Variants in ANKRD7 observed in about 807,000 individuals in gnomAD.
ANKRD7 encodes the protein ankyrin repeat domain 7, also known as ankyrin repeat domain-containing protein 7.
A neutral mutation model predicts 30.8 loss-of-function variants in ANKRD7; 30 were observed. The observed-to-expected ratio is 0.97, with a 90% CI of 0.73 to 1.32. ANKRD7 has a LOEUF of 1.32. ANKRD7 is among the 40% of genes most tolerant of loss of function. The probability of loss-of-function intolerance (pLI) is 0.00; values close to 1 mark genes in which losing one functional copy is unlikely to be tolerated. For missense variants in ANKRD7, 264 were observed against 295.7 expected, an observed-to-expected ratio of 0.89 and a Z score of 0.79; for synonymous variants, 97 against 106.6, an observed-to-expected ratio of 0.91 and a Z score of 0.55.
chr7:118,230,989 GA>G (rs1809628280), intron 1 of ANKRD7, among the ~76,000 whole-genome samples: 1 of 151,642 alleles, frequency 6.6e-6, no homozygotes, highest in African/African-American at 2.4e-5. Flanking sequence ...TGGTAAAAAA[GA>G]AAAAAAGGGA....
chr7:118,228,777 G>A (rs1020974200), intron 1 of ANKRD7, among the ~76,000 whole-genome samples: 1 of 152,072 alleles, frequency 6.6e-6, no homozygotes, highest in Admixed American at 6.6e-5. Context: ...TAACATCCAA[G>A]CATTTCTTGC....
rs752089558 is a variant in ANKRD7 at position 118,236,162 on chromosome 7, T to C, written c.575+15T>C. The C allele has an allele frequency of 1.4e-6, 2 of 1,463,490 alleles. No individual in the cohort carries two copies. Among genetic ancestry groups the C allele is most frequent in the South Asian group, 1.2e-5 (1 of 85,432 alleles). 90.7% of individuals were successfully genotyped at this position (1,463,490 alleles called of 1,614,324 possible). On this transcript the variant is annotated intron_variant, in intron 4 of 6. Transcript: ENST00000265224. ...AATTATCAAAGGTATAATTAATAAA[T>C]AAGATAGCACATAACTAAAGCTACC...
rs141582591 is a variant in ANKRD7 at position 118,240,108 on chromosome 7, T to G, written c.*37+110T>G. ...AACATTTAATTTTAAAATGGAAATT[T>G]TGTATTATTTTGAAATGTCAAATAT... On this transcript the variant is annotated intron_variant, in intron 6 of 6. Coordinates refer to ENST00000265224, the MANE Select transcript of ANKRD7 (RefSeq NM_019644.4). 917 of 388,254 alleles carry G rather than the reference T, an allele frequency of 2.4e-3. 7 individuals are homozygous for G. The highest frequency in any genetic ancestry group is 0.017 in the African/African-American group (803 of 47,730). 24.1% of individuals were successfully genotyped at this position (388,254 alleles called of 1,614,324 possible).
intron 6 of ANKRD7, among the ~76,000 whole-genome samples, chr7:118,240,522 A>G (rs1322677127): frequency 1.3e-5 from 2 of 152,194 alleles, no homozygotes; most frequent in Non-Finnish European, 2.9e-5. Flanking sequence ...ATAGTATTCC[A>G]TGGTGAATAT....
chr7:118,236,228 G>GTGTGTGTA, intron 4 of ANKRD7, 81 bp downstream of exon 4: 1 of 769,840 alleles, frequency 1.3e-6, no homozygotes, highest in Non-Finnish European at 2.1e-6. Context: ...GTGTGTGTGT[G>GTGTGTGTA]TGTGTGTGTG....
chr7:118,225,081 T>A, intron 1 of ANKRD7, 72 bp downstream of exon 1: 1 of 1,540,804 alleles, frequency 6.5e-7, no homozygotes, highest in Non-Finnish European at 8.8e-7. Flanking sequence ...ATAAGACAAG[T>A]GGGGGCTGTT....
At chr7:118,235,455 A>G (rs1371039139) in intron 3 of ANKRD7, among the ~76,000 whole-genome samples, 1 of 152,008 alleles carries the variant, frequency 6.6e-6, no homozygotes, top group Non-Finnish European at 1.5e-5. Flanking sequence ...TACTAAAAAT[A>G]CAAAAAATTA....
chr7:118,234,410 T>C, intron 1 of ANKRD7, 21 bp from the exon 2 acceptor site: 1 of 1,491,496 alleles, frequency 6.7e-7, no homozygotes, highest in Non-Finnish European at 9.1e-7. Context: ...TCTAACTTTG[T>C]GTTTTGTTTT....
intron 1 of ANKRD7, among the ~76,000 whole-genome samples, chr7:118,229,488 T>G (rs1199928327): frequency 6.6e-6 from 1 of 152,124 alleles, no homozygotes; most frequent in Non-Finnish European, 1.5e-5. Context: ...CTAGCCATAG[T>G]GAGCGCTTAA....
intron 5 of ANKRD7, among the ~76,000 whole-genome samples, chr7:118,237,668 A>C (rs924266040): frequency 3.9e-5 from 6 of 151,940 alleles, no homozygotes; most frequent in Non-Finnish European, 8.8e-5. Flanking sequence ...TTAATTCCAT[A>C]TGAAAAGCAT....
chr7:118,228,642 A>G (rs1311292917), intron 1 of ANKRD7, among the ~76,000 whole-genome samples: 1 of 152,128 alleles, frequency 6.6e-6, no homozygotes, highest in East Asian at 1.9e-4. Context: ...CTTTTTCGAT[A>G]AATGCCAAAT....
chr7:118,231,791 A>G (rs1386385449), intron 1 of ANKRD7, among the ~76,000 whole-genome samples: 1 of 152,064 alleles, frequency 6.6e-6, no homozygotes, highest in Non-Finnish European at 1.5e-5. Flanking sequence ...CCATCGATAT[A>G]TGAGAGAGTG....
chr7:118,236,440 C>A (rs1809731798), intron 4 of ANKRD7, among the ~76,000 whole-genome samples: 1 of 152,088 alleles, frequency 6.6e-6, no homozygotes, highest in African/African-American at 2.4e-5. Context: ...TAGACTCTTA[C>A]ATAGATGACC....
intron 6 of ANKRD7, 143 bp downstream of exon 6, chr7:118,240,141 A>T (rs971817828): frequency 7.1e-6 from 2 of 282,392 alleles, no homozygotes; most frequent in African/African-American, 4.5e-5. Flanking sequence ...TATTTTTAAG[A>T]ACTATTCTTT....
intron 1 of ANKRD7, among the ~76,000 whole-genome samples, chr7:118,232,375 A>C (rs1388388853): frequency 6.6e-6 from 1 of 152,076 alleles, no homozygotes; most frequent in Non-Finnish European, 1.5e-5. Flanking sequence ...AAATCTTTGC[A>C]AGATTGACGG....
intron 5 of ANKRD7, among the ~76,000 whole-genome samples, chr7:118,238,876 C>A (rs373528776): frequency 3.3e-5 from 5 of 152,138 alleles, no homozygotes; most frequent in African/African-American, 9.7e-5. Flanking sequence ...AAAATTCACA[C>A]GTGAAAGCCG....
intron 1 of ANKRD7, among the ~76,000 whole-genome samples, chr7:118,232,720 T>TGTGTGTGTGTG (rs1562872732): frequency 6.0e-4 from 87 of 146,012 alleles, no homozygotes; most frequent in African/African-American, 2.0e-3. Flanking sequence ...AGCAGTGTGT[T>TGTGTGTGTGTG]TGTGTGTGTG....
rs554194161 is a variant in ANKRD7, at chr7:118,240,950, C to T, written c.*37+952C>T. 3.4e-3 allele frequency among the ~76,000 whole-genome samples: 508 copies of T among 149,810 alleles called. 1 individual carries two copies. Among genetic ancestry groups the T allele is most frequent in the Non-Finnish European group, 4.6e-3 (309 of 67,518 alleles). ...CGGGTGGATCATGAGGTCAGGAGATCGAGACCATCCTGGCTAACAAGGTGA... is the reference window on the plus strand; with the variant it reads ...CGGGTGGATCATGAGGTCAGGAGATTGAGACCATCCTGGCTAACAAGGTGA... On this transcript the variant is annotated intron_variant, in intron 6 of 6. Coordinates refer to ENST00000265224, the MANE Select transcript of ANKRD7 (RefSeq NM_019644.4).
chr7:118,238,143 A>G (rs1265358783), intron 5 of ANKRD7, among the ~76,000 whole-genome samples: 1 of 152,184 alleles, frequency 6.6e-6, no homozygotes, highest in Non-Finnish European at 1.5e-5. Context: ...AAATCTTACA[A>G]TCTTCCTTTA....
Sources: gnomAD v4.1 joint callset for allele counts (sites outside exome capture counted in the v4.1 genomes callset) on GRCh38, gnomAD v4.1.1 for gene constraint, MANE v1.5 for transcripts, NCBI Gene and HGNC (gene_info 2026-07-23, HGNC 2026-07-21) for gene names.